The following ADGRL3 variants were observed in gnomAD, a reference collection of about 807,000 sequenced individuals.
ADGRL3 encodes adhesion G protein-coupled receptor L3, also known as calcium-independent alpha-latrotoxin receptor 3.
Under a neutral mutation model 153.5 loss-of-function variants are expected in ADGRL3, and 62 were observed. The observed-to-expected ratio is 0.40, with a 90% CI of 0.33 to 0.50. The LOEUF (loss-of-function observed/expected upper bound fraction) is 0.50, where lower values mean the gene tolerates loss of function less well. Ranked by LOEUF, ADGRL3 falls within the 20% of genes least tolerant of loss-of-function variation. The probability of loss-of-function intolerance (pLI) is 0.47; values close to 1 mark genes in which losing one functional copy is unlikely to be tolerated. For synonymous variants in ADGRL3, 710 were observed against 672.5 expected (o/e 1.06, Z -0.86); for missense variants, 1,641 against 1,859.4 (o/e 0.88, Z 2.16).
chr4:62,033,314 G>A (rs888736206), intron 23 of ADGRL3, among the ~76,000 whole-genome samples: 1 of 151,832 alleles, frequency 6.6e-6, no homozygotes, highest in Non-Finnish European at 1.5e-5. Context: ...CTGCAAGGGA[G>A]ACAGAAAAAC....
chr4:61,412,586 G>T (rs1003153343), intron 2 of ADGRL3, among the ~76,000 whole-genome samples: 1 of 152,162 alleles, frequency 6.6e-6, no homozygotes, highest in African/African-American at 2.4e-5. Flanking sequence ...TAAATCTTTT[G>T]TTGTAGTTTC....
intron 4 of ADGRL3, among the ~76,000 whole-genome samples, chr4:61,537,682 G>C (rs961136659): frequency 2.6e-5 from 4 of 151,946 alleles, no homozygotes; most frequent in African/African-American, 9.7e-5. Context: ...ACTGTATTTT[G>C]GAGTTCCTTT....
At chr4:61,748,836 C>T (rs1580607595) in intron 8 of ADGRL3, among the ~76,000 whole-genome samples, 2 of 151,652 alleles carry the variant, frequency 1.3e-5, no homozygotes, top group African/African-American at 4.9e-5. Context: ...AAAGCAATGG[C>T]AACAAAAGCC....
At chr4:61,493,831 C>T (rs1456395644) in intron 2 of ADGRL3, among the ~76,000 whole-genome samples, 1 of 152,264 alleles carries the variant, frequency 6.6e-6, no homozygotes, top group East Asian at 1.9e-4. Context: ...CATCCATTTT[C>T]TTCTTTATTT....
chr4:61,532,580 G>A (rs1203016702), intron 4 of ADGRL3, among the ~76,000 whole-genome samples: 1 of 134,614 alleles, frequency 7.4e-6, no homozygotes, highest in East Asian at 2.4e-4. Context: ...GTGTGTTTAA[G>A]GAATTCAACT....
chr4:61,346,829 T>C (rs1033754842), intron 1 of ADGRL3, among the ~76,000 whole-genome samples: 2 of 147,662 alleles, frequency 1.4e-5, no homozygotes, highest in African/African-American at 5.0e-5. Context: ...ATTGTGTTAA[T>C]AATTAATATT....
At chr4:61,268,249 T>G (rs1014224965) in intron 1 of ADGRL3, among the ~76,000 whole-genome samples, 2 of 151,684 alleles carry the variant, frequency 1.3e-5, no homozygotes, top group African/African-American at 4.8e-5. Flanking sequence ...AATTTTTTCC[T>G]ATTTTTAAAG....
At chr4:61,861,507 A>G (rs1027327618) in intron 9 of ADGRL3, among the ~76,000 whole-genome samples, 1 of 152,090 alleles carries the variant, frequency 6.6e-6, no homozygotes, top group Non-Finnish European at 1.5e-5. Context: ...CAAAATAGAT[A>G]CAAAGATGAT....
chr4:61,983,167 T>A (rs2150868894), intron 18 of ADGRL3, among the ~76,000 whole-genome samples: 1 of 152,254 alleles, frequency 6.6e-6, no homozygotes, highest in South Asian at 2.1e-4. Context: ...TACACTGTCA[T>A]CTATAAGCCA....
chr4:61,844,024 A>G (rs1334834620), intron 9 of ADGRL3, among the ~76,000 whole-genome samples: 1 of 151,680 alleles, frequency 6.6e-6, no homozygotes, highest in Non-Finnish European at 1.5e-5. Flanking sequence ...TGTCTTGAAA[A>G]AAAAAAAAAA....
intron 2 of ADGRL3, among the ~76,000 whole-genome samples, chr4:61,441,572 T>C (rs1394240311): frequency 6.6e-6 from 1 of 151,430 alleles, no homozygotes; most frequent in Non-Finnish European, 1.5e-5. Flanking sequence ...CAGGTTGGAG[T>C]GCAGTGGTGC....
intron 4 of ADGRL3, among the ~76,000 whole-genome samples, chr4:61,580,709 C>T (rs2098921098): frequency 6.6e-6 from 1 of 152,058 alleles, no homozygotes; most frequent in Non-Finnish European, 1.5e-5. Context: ...GTGCCTCTCT[C>T]ATGTGCATCC....
At chr4:61,811,020 G>T (rs2097609953) in intron 8 of ADGRL3, among the ~76,000 whole-genome samples, 1 of 152,028 alleles carries the variant, frequency 6.6e-6, no homozygotes, top group South Asian at 2.1e-4. Context: ...ATGTCATTGG[G>T]ACCTTTATAT....
At chr4:61,831,078 A>C (rs2097862649) in intron 9 of ADGRL3, among the ~76,000 whole-genome samples, 1 of 151,052 alleles carries the variant, frequency 6.6e-6, no homozygotes. Context: ...TAGTAGAGAC[A>C]GGATTTCACC....
chr4:61,946,729 T>C (rs10027079), intron 15 of ADGRL3, among the ~76,000 whole-genome samples, 185 bp from the exon 16 acceptor site: 52,869 of 152,022 alleles, frequency 0.35, 9,935 homozygotes, highest in East Asian at 0.62. Context: ...TTAAAAAATA[T>C]TGGTATGTAG....
chr4:61,535,209 T>A (rs561468023), intron 4 of ADGRL3, among the ~76,000 whole-genome samples: 109 of 152,244 alleles, frequency 7.2e-4, no homozygotes, highest in African/African-American at 2.5e-3. Flanking sequence ...ACATGGCATT[T>A]GTTTTTAATT....
At chr4:62,065,507 T>C (rs1009907986) in intron 25 of ADGRL3, among the ~76,000 whole-genome samples, 1 of 152,074 alleles carries the variant, frequency 6.6e-6, no homozygotes, top group Non-Finnish European at 1.5e-5. Flanking sequence ...TATAAACATA[T>C]TAACATGTGC....
intron 6 of ADGRL3, among the ~76,000 whole-genome samples, chr4:61,685,267 G>C (rs750941002): frequency 1.3e-5 from 2 of 151,988 alleles, no homozygotes; most frequent in Non-Finnish European, 2.9e-5. Context: ...TCTTACAGCA[G>C]CAATAATTCT....
intron 1 of ADGRL3, among the ~76,000 whole-genome samples, chr4:61,305,099 T>C (rs1281934684): frequency 6.6e-6 from 1 of 152,194 alleles, no homozygotes; most frequent in East Asian, 1.9e-4. Context: ...ATCATAAGCC[T>C]GGTGCCTTGC....
Sources: gnomAD v4.1 joint callset for allele counts (sites outside exome capture counted in the v4.1 genomes callset) on GRCh38, gnomAD v4.1.1 for gene constraint, MANE v1.5 for transcripts, NCBI Gene and HGNC (gene_info 2026-07-23, HGNC 2026-07-21) for gene names.